Variants in XPO6 observed in about 807,000 individuals in gnomAD.
XPO6 encodes the protein exportin-6.
XPO6 carries 3 observed loss-of-function variants against 130.0 expected under a neutral mutation model. The ratio of observed to expected loss-of-function variants is 0.02; its 90% CI spans 0.01 to 0.06. The LOEUF is 0.06. Among genes scored for constraint, XPO6 ranks in the 10% least tolerant of loss-of-function variants. XPO6 has a pLI of 1.00. For missense variants in XPO6, 970 were observed against 1,393.0 expected (o/e 0.70, Z 4.83); for synonymous variants, 524 against 548.9 (o/e 0.95, Z 0.63).
intron 6 of XPO6, among the ~76,000 whole-genome samples, chr16:28,163,335 G>C (rs1162181706): frequency 6.6e-6 from 1 of 152,174 alleles, no homozygotes; most frequent in Non-Finnish European, 1.5e-5. Flanking sequence ...CACACTCTCT[G>C]ATACATCCTC....
chr16:28,103,953 A>G (rs1467708276), intron 21 of XPO6, among the ~76,000 whole-genome samples: 1 of 152,226 alleles, frequency 6.6e-6, no homozygotes, highest in East Asian at 1.9e-4. Flanking sequence ...CAGACACTTG[A>G]GTGCAGACCC....
intron 17 of XPO6, 166 bp downstream of exon 17, chr16:28,111,650 CA>C (rs2086924145): frequency 3.2e-6 from 2 of 631,968 alleles, no homozygotes; most frequent in Non-Finnish European, 2.6e-6. Context: ...AACTGAATTC[CA>C]AAGGTAGCAG....
intron 8 of XPO6, among the ~76,000 whole-genome samples, chr16:28,152,155 C>T (rs1212521993): frequency 6.6e-6 from 1 of 152,030 alleles, no homozygotes; most frequent in African/African-American, 2.4e-5. Flanking sequence ...GCAAAGACTG[C>T]TTGTGAAGGT....
intron 1 of XPO6, among the ~76,000 whole-genome samples, chr16:28,207,491 G>A (rs1032391342): frequency 5.9e-5 from 9 of 152,164 alleles, no homozygotes; most frequent in Non-Finnish European, 1.0e-4. Flanking sequence ...ATCAAATACA[G>A]TTATAGTATG....
Position 28,106,606 on chromosome 16 carries a change from C to A in XPO6, c.2498-109G>T. On this transcript the variant is annotated intron_variant, in intron 18 of 23. Coordinates refer to ENST00000304658, the MANE Select transcript of XPO6 (RefSeq NM_015171.4). This position sits in a 1 kb window ranked among gnomAD's most constrained non-coding sequence, Gnocchi z 4.2. ...TCTGCACTATCAGCTTTCTCTACAG[C>A]TTCCTGCTGGAAACATTTCCCCAAC... 1 of 816,618 alleles carries A rather than the reference C, an allele frequency of 1.2e-6. No homozygotes were observed. The highest frequency in any genetic ancestry group is 2.0e-6 in the Non-Finnish European group (1 of 497,810). The allele number at this position is 816,618 out of a possible 1,614,324, so 50.6% of individuals were successfully genotyped here.
chr16:28,201,858 AAATAAT>A (rs994736457), intron 1 of XPO6, among the ~76,000 whole-genome samples: 3 of 152,048 alleles, frequency 2.0e-5, no homozygotes, highest in South Asian at 2.1e-4. Flanking sequence ...CCGTCTCAAA[AAATAAT>A]AATAATAATA....
chr16:28,200,840 AG>A (rs2043942755), intron 1 of XPO6, among the ~76,000 whole-genome samples: 1 of 152,178 alleles, frequency 6.6e-6, no homozygotes, highest in Non-Finnish European at 1.5e-5. Flanking sequence ...CCTACCTGGC[AG>A]GGTGGCTATG....
intron 17 of XPO6, among the ~76,000 whole-genome samples, chr16:28,109,148 G>A (rs918102899): frequency 6.6e-6 from 1 of 151,792 alleles, no homozygotes; most frequent in Non-Finnish European, 1.5e-5. Flanking sequence ...GGCATTTAAG[G>A]AAATTCAAAC....
intron 16 of XPO6, among the ~76,000 whole-genome samples, 175 bp from the exon 17 acceptor site, chr16:28,112,181 A>G (rs2086940845): frequency 1.3e-5 from 2 of 152,232 alleles, no homozygotes; most frequent in African/African-American, 4.8e-5. Context: ...TTAGGGAGGA[A>G]GATGAAATGA....
chr16:28,168,619 A>G (rs76932317), intron 5 of XPO6, among the ~76,000 whole-genome samples: 1 of 150,988 alleles, frequency 6.6e-6, no homozygotes. Flanking sequence ...TTTTTTTTAA[A>G]GAGACAGGGT....
intron 9 of XPO6, among the ~76,000 whole-genome samples, chr16:28,144,561 C>A (rs559680871): frequency 6.6e-6 from 1 of 152,304 alleles, no homozygotes; most frequent in African/African-American, 2.4e-5. Flanking sequence ...CAGGTACATA[C>A]TACCACATCT....
At chr16:28,207,062 C>T (rs1456977223) in intron 1 of XPO6, among the ~76,000 whole-genome samples, 1 of 152,038 alleles carries the variant, frequency 6.6e-6, no homozygotes, top group Non-Finnish European at 1.5e-5. Context: ...GCCTGACCAA[C>T]GTGGTGAAAC....
At position 28,180,802 on chromosome 16, in the gene XPO6, A is replaced by G. The variant is rs981994312; in HGVS notation, c.94+139T>C. The G allele has an allele frequency of 4.2e-4, 253 of 603,776 alleles. 7 individuals are homozygous for G. Among genetic ancestry groups the G allele is most frequent in the Non-Finnish European group, 6.0e-5 (22 of 369,700 alleles). 37.4% of individuals were successfully genotyped at this position (603,776 alleles called of 1,614,324 possible). ...GGAGGGGTTTCCCCAGCCACCAGCC[A>G]ACAGAACCAGAGCGAAAAGAGCAAG... On this transcript the variant is annotated intron_variant, in intron 2 of 23. Coordinates refer to ENST00000304658, the MANE Select transcript of XPO6 (RefSeq NM_015171.4).
rs758191826 is a variant in XPO6, at chr16:28,104,567, G to A, written c.2925C>T (p.Pro975=). The change falls in exon 21 of 24, where the codon CCC becomes CCT. Residue 975 remains proline (P), a synonymous_variant. Coordinates refer to ENST00000304658, the MANE Select transcript of XPO6 (RefSeq NM_015171.4). ...GIAEEQMENE[P]QFSAIMQAFG... ...TTACCTGCATGATGGCACTGAACTG[G>A]GGCTCATTCTCCATCTGCTCCTCAG... The A allele has an allele frequency of 1.1e-5, 18 of 1,614,156 alleles. 1 individual carries two copies. Among genetic ancestry groups the A allele is most frequent in the Non-Finnish European group, 1.5e-5 (18 of 1,180,016 alleles).
intron 9 of XPO6, among the ~76,000 whole-genome samples, chr16:28,139,819 C>G (rs1298773538): frequency 6.6e-6 from 1 of 152,186 alleles, no homozygotes; most frequent in Admixed American, 6.5e-5. Flanking sequence ...ATGCAACTAA[C>G]AGAGTCTCAA....
Position 28,125,744 on chromosome 16 carries a change from A to G in XPO6, c.1711T>C (p.Phe571Leu). ...CGTGCAGCAAACACATCCCCGATAA[A>G]GTACTCGGCCAGGCGGCCCACGGCC... ...LQAVGRLAEY[F>L]IGDVFAARFN... is the part of the protein sequence containing the mutation. Residue 571 changes from phenylalanine to leucine, a missense_variant, in exon 13 of 24, where the codon TTT becomes CTT. Physicochemically the swap from Phe to Leu is conservative, Grantham distance 22. Coordinates refer to ENST00000304658, the MANE Select transcript of XPO6 (RefSeq NM_015171.4). 1 of 1,614,226 alleles carries G rather than the reference A, an allele frequency of 6.2e-7. No individual in the cohort carries two copies. The highest frequency in any genetic ancestry group is 1.7e-5 in the Admixed American group (1 of 60,028).
At chr16:28,175,347 A>G (rs2043517080) in intron 4 of XPO6, among the ~76,000 whole-genome samples, 2 of 151,952 alleles carry the variant, frequency 1.3e-5, no homozygotes, top group Admixed American at 1.3e-4. Context: ...TCCCTCCCCA[A>G]AACTTTTCAT....
At chr16:28,167,424 T>G (rs144428577) in intron 5 of XPO6, among the ~76,000 whole-genome samples, 5 of 152,296 alleles carry the variant, frequency 3.3e-5, no homozygotes, top group Non-Finnish European at 7.4e-5. Flanking sequence ...AGACGCGGCC[T>G]TGCTATGCTC....
intron 4 of XPO6, among the ~76,000 whole-genome samples, chr16:28,170,971 G>T (rs758484366): frequency 6.6e-5 from 10 of 151,786 alleles, no homozygotes; most frequent in African/African-American, 1.9e-4. Context: ...AAAATTATCT[G>T]TTGAGTTAAT....
Sources: allele counts gnomAD v4.1 joint callset (sites outside exome capture counted in the v4.1 genomes callset), GRCh38; gene constraint gnomAD v4.1.1; non-coding constraint Gnocchi (gnomAD v3.1); transcripts MANE v1.5; gene names NCBI Gene and HGNC (gene_info 2026-07-23, HGNC 2026-07-21).